Variants in GPHN observed in about 807,000 individuals in gnomAD.
GPHN encodes gephyrin.
A neutral mutation model predicts 95.5 loss-of-function variants in GPHN; 17 were observed. The observed-to-expected ratio is 0.18, with a 90% confidence interval of 0.12 to 0.27. The LOEUF (loss-of-function observed/expected upper bound fraction) is 0.27. GPHN is among the 10% of genes least tolerant of loss of function. GPHN has a pLI of 1.00. For synonymous variants in GPHN, 320 were observed against 322.5 expected, an observed-to-expected ratio of 0.99 and a Z score of 0.08; for missense variants, 660 against 978.1, an observed-to-expected ratio of 0.67 and a Z score of 4.34.
the GPHN span, among the ~76,000 whole-genome samples, chr14:67,636,292 A>T: frequency 2.0e-5 from 3 of 152,264 alleles, no homozygotes; most frequent in Admixed American, 2.0e-4. Flanking sequence ...CAAAAAAACA[A>T]AACCTTACTC....
chr14:67,284,595 G>GCAATCAT, the GPHN span, among the ~76,000 whole-genome samples: 8 of 113,860 alleles, frequency 7.0e-5, no homozygotes, highest in East Asian at 1.6e-3. Flanking sequence ...AAAAGGTTGT[G>GCAATCAT]CAATCATCAC....
chr14:67,286,223 C>T, the GPHN span, among the ~76,000 whole-genome samples: 2 of 152,172 alleles, frequency 1.3e-5, no homozygotes, highest in South Asian at 4.1e-4. Flanking sequence ...TTGTCCACTC[C>T]CAACCTAGCA....
At chr14:67,131,659 A>G (rs772254410) in intron 17 of GPHN, among the ~76,000 whole-genome samples, 35 of 152,262 alleles carry the variant, frequency 2.3e-4, no homozygotes, top group Admixed American at 7.2e-4. Flanking sequence ...GCATCTTGGG[A>G]GAAATTCCAA....
chr14:67,036,540 C>CACACACACACAG (rs946760546), intron 10 of GPHN, among the ~76,000 whole-genome samples: 9 of 148,220 alleles, frequency 6.1e-5, no homozygotes, highest in Non-Finnish European at 1.0e-4. Flanking sequence ...CACACACACA[C>CACACACACACAG]AGAGAAACAC....
intron 8 of GPHN, among the ~76,000 whole-genome samples, chr14:66,962,808 G>T (rs957275593): frequency 6.7e-6 from 1 of 150,314 alleles, no homozygotes; most frequent in Non-Finnish European, 1.5e-5. Flanking sequence ...CACCCATCTC[G>T]ATTTGCCTCT....
intron 1 of GPHN, among the ~76,000 whole-genome samples, chr14:66,635,305 G>A (rs1332496400): frequency 3.3e-5 from 5 of 152,176 alleles, no homozygotes; most frequent in Non-Finnish European, 5.9e-5. Context: ...ATAGGGGAAA[G>A]TCATGCTGAA....
intron 4 of GPHN, among the ~76,000 whole-genome samples, chr14:66,846,191 T>C (rs2062330726): frequency 6.6e-6 from 1 of 152,182 alleles, no homozygotes; most frequent in South Asian, 2.1e-4. Context: ...CCATCCCTTC[T>C]CAATTGAGGT....
chr14:67,047,397 A>T (rs1392183552), intron 10 of GPHN, among the ~76,000 whole-genome samples: 1 of 123,882 alleles, frequency 8.1e-6, no homozygotes, highest in Admixed American at 9.5e-5. Context: ...ACAGAGTCTC[A>T]CTCTGTTGCC....
At chr14:67,204,705 G>A in the GPHN span, 1 of 1,613,924 alleles carries the variant, frequency 6.2e-7, no homozygotes, top group East Asian at 2.2e-5. Flanking sequence ...TCTTGAATCA[G>A]GAGAAAGCCA....
intron 2 of GPHN, among the ~76,000 whole-genome samples, chr14:66,756,045 C>G (rs958077063): frequency 5.3e-4 from 81 of 152,116 alleles, no homozygotes; most frequent in African/African-American, 1.9e-3. Context: ...CAAAGATTGT[C>G]TATCTTATTC....
intron 5 of GPHN, among the ~76,000 whole-genome samples, chr14:66,900,226 GTTT>G (rs1332073035): frequency 2.0e-5 from 3 of 151,312 alleles, no homozygotes; most frequent in Non-Finnish European, 4.4e-5. Context: ...CTGTTTTTCT[GTTT>G]TAAATTTCAC....
At chr14:66,973,626 G>A (rs1391709952) in intron 9 of GPHN, among the ~76,000 whole-genome samples, 1 of 152,174 alleles carries the variant, frequency 6.6e-6, no homozygotes, top group African/African-American at 2.4e-5. Flanking sequence ...GGGCGTGGTG[G>A]TGGGCGCCTG....
the GPHN span, among the ~76,000 whole-genome samples, chr14:67,681,481 A>T: frequency 1.3e-5 from 2 of 152,286 alleles, no homozygotes; most frequent in East Asian, 3.9e-4. Flanking sequence ...ACCTCATATC[A>T]TATACAAAAA....
chr14:66,606,657 G>C (rs2062550784), intron 1 of GPHN, among the ~76,000 whole-genome samples: 1 of 152,034 alleles, frequency 6.6e-6, no homozygotes, highest in Non-Finnish European at 1.5e-5. Flanking sequence ...TATTTCAGCA[G>C]TGTTTTGTAG....
At chr14:67,360,997 AC>A in the GPHN span, among the ~76,000 whole-genome samples, 1 of 151,954 alleles carries the variant, frequency 6.6e-6, no homozygotes, top group Admixed American at 6.5e-5. Context: ...TGAATGAGTC[AC>A]CCCTTGAACC....
At chr14:66,687,942 A>T (rs931967478) in intron 2 of GPHN, among the ~76,000 whole-genome samples, 1 of 152,200 alleles carries the variant, frequency 6.6e-6, no homozygotes, top group African/African-American at 2.4e-5. Flanking sequence ...CTTGAACAGT[A>T]TGAGTATTTG....
At chr14:67,725,006 G>A in the GPHN span, 1 of 1,396,490 alleles carries the variant, frequency 7.2e-7, no homozygotes, top group Non-Finnish European at 1.0e-6. Context: ...CTGGGAGAAT[G>A]AATGCTCTGT....
chr14:66,917,815 T>G (rs2065994602), intron 6 of GPHN, among the ~76,000 whole-genome samples: 1 of 152,228 alleles, frequency 6.6e-6, no homozygotes, highest in Non-Finnish European at 1.5e-5. Flanking sequence ...AGCAATTCCA[T>G]GCTGTGGTTG....
chr14:67,575,875 G>A, the GPHN span: 11 of 1,613,950 alleles, frequency 6.8e-6, no homozygotes, highest in African/African-American at 1.2e-4. Context: ...GAAGTAGATC[G>A]ATCCTGTGAC....
Sources: allele counts gnomAD v4.1 joint callset (sites outside exome capture counted in the v4.1 genomes callset), GRCh38; gene constraint gnomAD v4.1.1; transcripts MANE v1.5; gene names NCBI Gene and HGNC (gene_info 2026-07-23, HGNC 2026-07-21).